DLX3: variants seen among roughly 807,000 people sequenced by gnomAD.
DLX3 encodes the protein distal-less homeobox 3.
DLX3 carries 9 observed loss-of-function variants against 28.0 expected under a neutral mutation model. That is an observed-to-expected ratio of 0.32 (90% confidence interval 0.19 to 0.56). DLX3 has a LOEUF of 0.56. Among genes scored for constraint, DLX3 ranks in the 20% least tolerant of loss-of-function variants. The pLI, the probability that DLX3 is intolerant of heterozygous loss-of-function variation, is 0.91. For missense variants in DLX3, 313 were observed against 378.2 expected, an observed-to-expected ratio of 0.83 and a Z score of 1.43; for synonymous variants, 154 against 167.9, an observed-to-expected ratio of 0.92 and a Z score of 0.64.
At position 49,991,246 on chromosome 17, in the gene DLX3, G is replaced by A; in HGVS notation, c.*271C>T. The A allele has an allele frequency of 2.1e-6, 1 of 467,978 alleles. No homozygotes were observed. The highest frequency in any genetic ancestry group is 3.8e-6 in the Non-Finnish European group (1 of 266,620). 29.0% of individuals were successfully genotyped at this position (467,978 alleles called of 1,614,324 possible). ...AAAGCCAATCCAGGCTCCTGGAGCA[G>A]GTAGGGGAATGGCTGTCCCCACTGG... On this transcript the variant is annotated 3_prime_UTR_variant, in exon 3 of 3. Transcript: ENST00000434704.
At chr17:49,993,983 G>A (rs1422291246) in intron 1 of DLX3, among the ~76,000 whole-genome samples, 1 of 151,178 alleles carries the variant, frequency 6.6e-6, no homozygotes, top group African/African-American at 2.4e-5. Flanking sequence ...GCTCCTTCCC[G>A]TCCGCCCCCC....
intron 1 of DLX3, among the ~76,000 whole-genome samples, 176 bp downstream of exon 1, chr17:49,994,498 C>T (rs574961880): frequency 2.1e-3 from 313 of 152,376 alleles, no homozygotes; most frequent in African/African-American, 7.2e-3. Context: ...AATGCTTGCA[C>T]ACCCGGGGCT....
rs1217637292 is a variant in DLX3, at chr17:49,995,156, T to C, written c.-158A>G. The C allele has an allele frequency of 1.1e-5, 10 of 892,510 alleles. No homozygotes were observed. Among genetic ancestry groups the C allele is most frequent in the Non-Finnish European group, 1.8e-5 (10 of 569,944 alleles). The allele number at this position is 892,510 out of a possible 1,614,324, so 55.3% of individuals were successfully genotyped here. ...GGGGAGGGGGAGGCCGAGAGGCGCT[T>C]ACACCATTGCCTGCCGTCAGGCGGT... is the stretch of plus-strand genomic sequence containing the variant. On this transcript the variant is annotated 5_prime_UTR_variant, in exon 1 of 3. An upstream open reading frame in the 5' UTR loses its in-frame stop. Coordinates refer to ENST00000434704, the MANE Select transcript of DLX3 (RefSeq NM_005220.3).
intron 2 of DLX3, among the ~76,000 whole-genome samples, chr17:49,992,924 A>C (rs1482408029): frequency 1.3e-5 from 2 of 152,220 alleles, no homozygotes; most frequent in Non-Finnish European, 2.9e-5. Flanking sequence ...ACATGCATTC[A>C]GAACGCATAT....
chr17:49,993,279 A>G lies in DLX3; in HGVS notation c.516+121T>C, dbSNP rs2303468. 774,460 of 1,070,226 alleles carry G rather than the reference A, an allele frequency of 0.72. 288,513 individuals carry two copies. Among genetic ancestry groups the G allele is most frequent in the Non-Finnish European group, 0.78 (586,068 of 751,436 alleles). The allele number at this position is 1,070,226 out of a possible 1,614,324, so 66.3% of individuals were successfully genotyped here. On this transcript the variant is annotated intron_variant, in intron 2 of 2. Coordinates refer to ENST00000434704, the MANE Select transcript of DLX3 (RefSeq NM_005220.3). ...CCGAAGTTGAACCTCGCAGGCCCCC[A>G]TCCCAAAGGCAAGAGTTCCAGGAGC...
intron 2 of DLX3, among the ~76,000 whole-genome samples, chr17:49,992,228 C>G (rs1174303015): frequency 6.6e-6 from 1 of 152,092 alleles, no homozygotes; most frequent in Non-Finnish European, 1.5e-5. Flanking sequence ...CTTAAAGCAG[C>G]CTGGTATGTA....
chr17:49,991,397 G>A lies in DLX3; in HGVS notation c.*120C>T, dbSNP rs956682795. 2.2e-6 allele frequency: 2 copies of A among 919,350 alleles called. No homozygotes were observed. The highest frequency in any genetic ancestry group is 1.7e-5 in the African/African-American group (1 of 60,188). 56.9% of individuals were successfully genotyped at this position (919,350 alleles called of 1,614,324 possible). On this transcript the variant is annotated 3_prime_UTR_variant, in exon 3 of 3. Transcript: ENST00000434704. ...CTTGGGTCCCTGGAGGAAGGGGCAAGGGAGGGGGAAAGGGAGTTCCTTTTC... is the reference window on the plus strand; with the variant it reads ...CTTGGGTCCCTGGAGGAAGGGGCAAAGGAGGGGGAAAGGGAGTTCCTTTTC...
In DLX3 at chr17:49,995,134, G is replaced by T; in HGVS notation, c.-136C>A. 8.8e-7 allele frequency: 1 copy of T among 1,134,402 alleles called. No homozygotes were observed. The highest frequency in any genetic ancestry group is 1.3e-6 in the Non-Finnish European group (1 of 784,630). The allele number at this position is 1,134,402 out of a possible 1,614,324, so 70.3% of individuals were successfully genotyped here. A position where few individuals can be genotyped will look rare whatever the true frequency, so the allele number is the denominator to read the frequency against. ...GGGAGGACCCGGCCGCGTCTGGGGG[G>T]AGGGGGAGGCCGAGAGGCGCTTACA... On this transcript the variant is annotated 5_prime_UTR_variant, in exon 1 of 3. Coordinates refer to ENST00000434704, the MANE Select transcript of DLX3 (RefSeq NM_005220.3).
In DLX3 at chr17:49,995,032, T is replaced by C. The variant is rs1190203582; in HGVS notation, c.-34A>G. On this transcript the variant is annotated 5_prime_UTR_variant, in exon 1 of 3. Transcript: ENST00000434704. ...GCGCTGCACCTCCCCAGGGCTGGCC[T>C]CCGCAGAGGACAGGAACGGACCGGA... 4 of 1,603,748 alleles carry C rather than the reference T, an allele frequency of 2.5e-6. No individual in the cohort carries two copies. In the South Asian group the frequency reaches 4.4e-5, roughly 18 times the overall value.
At position 49,994,603 on chromosome 17, in the gene DLX3, A is replaced by G. The variant is rs545351527; in HGVS notation, c.325+71T>C. ...GAAGTTTTCCTAGATTTTGGCTTCC[A>G]GTCCATGCCTTTTCCTCCCTCGGGA... On this transcript the variant is annotated intron_variant, in intron 1 of 2. Coordinates refer to ENST00000434704, the MANE Select transcript of DLX3 (RefSeq NM_005220.3). The G allele has an allele frequency of 2.7e-5, 43 of 1,568,876 alleles. No homozygotes were observed. In the Admixed American group the frequency reaches 5.1e-4, roughly 19 times the overall value.
intron 1 of DLX3, among the ~76,000 whole-genome samples, chr17:49,994,465 C>A (rs1165152979): frequency 1.3e-5 from 2 of 152,352 alleles, no homozygotes; most frequent in East Asian, 3.9e-4. Context: ...GGGACCGCGG[C>A]GCACTGCGCA....
intron 2 of DLX3, 94 bp downstream of exon 2, chr17:49,993,306 C>G: frequency 7.4e-7 from 1 of 1,350,174 alleles, no homozygotes; most frequent in Non-Finnish European, 1.0e-6. Context: ...TCCAGGAGCC[C>G]GCAGGGCCCT....
rs74607282 is a variant in DLX3 at position 49,990,501 on chromosome 17, C to G, written c.*1016G>C. On this transcript the variant is annotated 3_prime_UTR_variant, in exon 3 of 3. Coordinates refer to ENST00000434704, the MANE Select transcript of DLX3 (RefSeq NM_005220.3). ...AAGTTCTAACTCTCCCCTCCTCTCC[C>G]ATACACCTCACCCGACATTCTCCAG... The G allele has an allele frequency of 0.065, 9,955 of 152,510 alleles. 496 individuals are homozygous for G. The highest frequency in any genetic ancestry group is 0.16 in the East Asian group (838 of 5,160). 9.4% of individuals were successfully genotyped at this position (152,510 alleles called of 1,614,324 possible).
rs139226711 is a variant in DLX3 at position 49,994,747 on chromosome 17, C to T, written c.252G>A (p.Ser84=). 751 of 1,614,078 alleles carry T rather than the reference C, an allele frequency of 4.7e-4. 1 individual carries two copies. The highest frequency in any genetic ancestry group is 6.0e-4 in the Non-Finnish European group (711 of 1,180,052). Residue 84 remains serine, a synonymous_variant, in exon 1 of 3, where the codon TCG becomes TCA. Transcript: ENST00000434704. Reference sequence around the variant, plus strand: ...GGTAGGAGGCTCCGTAGGTATATTCCGACTTGGGCGAGTAAGCGCCCGTGC... The same window carrying T: ...GGTAGGAGGCTCCGTAGGTATATTCTGACTTGGGCGAGTAAGCGCCCGTGC... The part of the protein sequence containing the change: ...LAGTGAYSPK[S]EYTYGASYRQ...
At position 49,994,865 on chromosome 17, in the gene DLX3, G is replaced by C. The variant is rs1462760577; in HGVS notation, c.134C>G (p.Ala45Gly). 1.2e-6 allele frequency: 2 copies of C among 1,614,136 alleles called. No individual in the cohort carries two copies. Among genetic ancestry groups the C allele is most frequent in the Non-Finnish European group, 1.7e-6 (2 of 1,180,060 alleles). The change falls in exon 1 of 3, where the codon GCT becomes GGT. Residue 45 changes from alanine (A) to glycine (G), a missense_variant. Coordinates refer to ENST00000434704, the MANE Select transcript of DLX3 (RefSeq NM_005220.3). ...SSVTDLGYYSAPQHDYYSGQP... is the reference protein window; with the variant it reads ...SSVTDLGYYSGPQHDYYSGQP... ...GCCCGAGTAGTAATCGTGCTGGGGA[G>C]CGCTGTAGTAGCCCAGGTCAGTGAC... is the stretch of plus-strand genomic sequence containing the variant.
At position 49,993,654 on chromosome 17, in the gene DLX3, C is replaced by T. The variant is rs572473129; in HGVS notation, c.326-64G>A. The T allele has an allele frequency of 1.7e-5, 27 of 1,559,390 alleles. No homozygotes were observed. The East Asian group carries it at 5.8e-4, about 34-fold the overall frequency. On this transcript the variant is annotated intron_variant, in intron 1 of 2. Transcript: ENST00000434704. ...GCCTCGGCCTGCGACTCCTGCGACCCTCCAGGGCCCCGCCGGACGCCCCTC... is the reference window on the plus strand; with the variant it reads ...GCCTCGGCCTGCGACTCCTGCGACCTTCCAGGGCCCCGCCGGACGCCCCTC...
At chr17:49,991,944 A>G (rs778559225) in intron 2 of DLX3, 80 bp from the exon 3 acceptor site, 1 of 1,387,212 alleles carries the variant, frequency 7.2e-7, no homozygotes, top group South Asian at 1.2e-5. Flanking sequence ...GCCAAGAAAA[A>G]GAAAGGCCAG....
intron 1 of DLX3, 118 bp downstream of exon 1, chr17:49,994,556 A>T: frequency 8.0e-7 from 1 of 1,252,694 alleles, no homozygotes; most frequent in Non-Finnish European, 1.1e-6. Flanking sequence ...AACTTCTCTA[A>T]CTCCAGACAG....
chr17:49,994,581 G>A (rs532669903), intron 1 of DLX3, 93 bp downstream of exon 1: 49 of 1,434,424 alleles, frequency 3.4e-5, no homozygotes, highest in African/African-American at 8.4e-5. Context: ...TTTCTTAGAA[G>A]TTTTCCTAGA....
Sources: allele counts gnomAD v4.1 joint callset (sites outside exome capture counted in the v4.1 genomes callset), GRCh38; gene constraint gnomAD v4.1.1; transcripts MANE v1.5; gene names NCBI Gene and HGNC (gene_info 2026-07-23, HGNC 2026-07-21).